Variants in ZNF804B observed in about 807,000 individuals in gnomAD.
ZNF804B encodes the protein zinc finger protein 804B.
A neutral mutation model predicts 101.4 loss-of-function variants in ZNF804B; 80 were observed. The observed-to-expected ratio is 0.79, with a 90% CI of 0.66 to 0.95. The LOEUF is 0.95. Ranked by LOEUF, ZNF804B falls within the 40% of genes least tolerant of loss-of-function variation. The pLI, the probability that ZNF804B is intolerant of heterozygous loss-of-function variation, is 0.00. For missense variants in ZNF804B, 1,673 were observed against 1,561.9 expected (o/e 1.07, Z -1.20); for synonymous variants, 622 against 558.8 (o/e 1.11, Z -1.59).
chr7:88,945,993 A>G (rs1158326050), intron 1 of ZNF804B, among the ~76,000 whole-genome samples: 1 of 152,138 alleles, frequency 6.6e-6, no homozygotes, highest in Non-Finnish European at 1.5e-5. Flanking sequence ...TTTTGGGCTG[A>G]GATGACAGGG....
chr7:88,811,950 G>T (rs1790795628), intron 1 of ZNF804B, among the ~76,000 whole-genome samples: 1 of 152,046 alleles, frequency 6.6e-6, no homozygotes, highest in Non-Finnish European at 1.5e-5. Context: ...TGCACACCCT[G>T]CACATGTACC....
At chr7:88,771,394 G>C (rs1326040002) in intron 1 of ZNF804B, among the ~76,000 whole-genome samples, 2 of 152,006 alleles carry the variant, frequency 1.3e-5, no homozygotes, top group African/African-American at 4.8e-5. Context: ...CTAATCATAT[G>C]TGTACAGCTT....
At chr7:89,188,872 G>T (rs571324675) in intron 1 of ZNF804B, among the ~76,000 whole-genome samples, 3 of 152,118 alleles carry the variant, frequency 2.0e-5, no homozygotes, top group Admixed American at 6.6e-5. Flanking sequence ...TTTAAAGAAA[G>T]AAGCCATCTC....
intron 1 of ZNF804B, among the ~76,000 whole-genome samples, chr7:89,075,563 G>T (rs1789604354): frequency 2.0e-5 from 3 of 152,240 alleles, no homozygotes; most frequent in Admixed American, 2.0e-4. Flanking sequence ...TGTCCAGACA[G>T]AAGTTTGCTG....
At chr7:88,818,374 G>A (rs6943943) in intron 1 of ZNF804B, among the ~76,000 whole-genome samples, 66,107 of 151,730 alleles carry the variant, frequency 0.44, 15,206 homozygotes, top group East Asian at 0.81. Flanking sequence ...CAAAAATTTT[G>A]GAAGCAAAGG....
chr7:88,823,803 A>G (rs943141532), intron 1 of ZNF804B, among the ~76,000 whole-genome samples: 1 of 152,166 alleles, frequency 6.6e-6, no homozygotes, highest in Non-Finnish European at 1.5e-5. Context: ...CTGGCTTGAG[A>G]GAACAATGAG....
chr7:89,266,126 C>A (rs1201040855), intron 2 of ZNF804B, among the ~76,000 whole-genome samples: 6 of 152,106 alleles, frequency 3.9e-5, no homozygotes, highest in African/African-American at 1.4e-4. Flanking sequence ...CTTTCACTGA[C>A]CTCCAGAACA....
chr7:88,894,842 AG>A (rs941337339), intron 1 of ZNF804B, among the ~76,000 whole-genome samples: 3 of 151,992 alleles, frequency 2.0e-5, no homozygotes, highest in Non-Finnish European at 2.9e-5. Context: ...AGGTTTGGGG[AG>A]GGGGGTGGTT....
At chr7:89,136,750 TGTGTGTGTGTGTGTGC>T in intron 1 of ZNF804B, among the ~76,000 whole-genome samples, 1 of 114,452 alleles carries the variant, frequency 8.7e-6, no homozygotes. Flanking sequence ...TGTGTGTGTG[TGTGTGTGTGTGTGTGC>T]GCGCACGTGT....
intron 2 of ZNF804B, among the ~76,000 whole-genome samples, chr7:89,307,326 A>C (rs1790580831): frequency 6.6e-6 from 1 of 152,164 alleles, no homozygotes; most frequent in Non-Finnish European, 1.5e-5. Flanking sequence ...CTTTTAAAAT[A>C]ATATTTTAAA....
intron 1 of ZNF804B, among the ~76,000 whole-genome samples, chr7:89,160,713 T>G (rs7803321): frequency 0.41 from 61,810 of 151,850 alleles, 13,149 homozygotes; most frequent in Middle Eastern, 0.48. Context: ...GTTGTTATTA[T>G]CTTCTTTATT....
intron 1 of ZNF804B, among the ~76,000 whole-genome samples, chr7:88,760,914 TAA>T: frequency 6.8e-6 from 1 of 146,370 alleles, no homozygotes; most frequent in East Asian, 2.0e-4. Flanking sequence ...ATATATATAA[TAA>T]ATATATATAT....
chr7:89,269,834 A>C (rs148374487), intron 2 of ZNF804B, among the ~76,000 whole-genome samples: 1 of 152,064 alleles, frequency 6.6e-6, no homozygotes, highest in African/African-American at 2.4e-5. Context: ...GTAAGTTTTC[A>C]TGTGTCTGTT....
intron 1 of ZNF804B, among the ~76,000 whole-genome samples, chr7:88,869,261 T>A (rs996406682): frequency 6.6e-6 from 1 of 152,204 alleles, no homozygotes; most frequent in Non-Finnish European, 1.5e-5. Flanking sequence ...AACATGGCAT[T>A]TATTTTTGGT....
intron 1 of ZNF804B, among the ~76,000 whole-genome samples, chr7:89,100,328 A>T (rs555442367): frequency 1.3e-5 from 2 of 152,288 alleles, no homozygotes; most frequent in South Asian, 4.1e-4. Flanking sequence ...TGTATTGAAG[A>T]CTTAAATCGA....
intron 1 of ZNF804B, among the ~76,000 whole-genome samples, chr7:88,905,651 C>A (rs1434398166): frequency 2.6e-5 from 4 of 152,166 alleles, no homozygotes; most frequent in Non-Finnish European, 5.9e-5. Flanking sequence ...AGCCACCACA[C>A]CTGGCCATAG....
intron 1 of ZNF804B, among the ~76,000 whole-genome samples, chr7:88,879,485 T>C (rs1179504577): frequency 6.6e-6 from 1 of 152,212 alleles, no homozygotes; most frequent in Non-Finnish European, 1.5e-5. Flanking sequence ...TATGAAGTTA[T>C]TCAAGAAGTA....
intron 2 of ZNF804B, among the ~76,000 whole-genome samples, chr7:89,285,522 C>CAAAAAAAAAAAAAAAAAAAAAAAA (rs778078214): frequency 1.3e-4 from 3 of 22,398 alleles, no homozygotes; most frequent in African/African-American, 3.0e-4. Context: ...GACTCTGTCT[C>CAAAAAAAAAAAAAAAAAAAAAAAA]AAAAAAAAAA....
intron 1 of ZNF804B, among the ~76,000 whole-genome samples, chr7:89,182,672 T>C (rs1302185583): frequency 4.6e-5 from 7 of 152,158 alleles, no homozygotes; most frequent in Admixed American, 4.6e-4. Flanking sequence ...CAGTAGGTAG[T>C]ATAGAGCTGT....
Sources: gnomAD v4.1 joint callset for allele counts (sites outside exome capture counted in the v4.1 genomes callset) on GRCh38, gnomAD v4.1.1 for gene constraint, MANE v1.5 for transcripts, NCBI Gene and HGNC (gene_info 2026-07-23, HGNC 2026-07-21) for gene names.